The following SCN8A variants were observed in gnomAD, a reference collection of about 807,000 sequenced individuals.
The protein encoded by SCN8A is sodium channel protein type 8 subunit alpha.
A neutral mutation model predicts 184.1 loss-of-function variants in SCN8A; 30 were observed. That is an observed-to-expected ratio of 0.16 (90% CI 0.12 to 0.22). The LOEUF (loss-of-function observed/expected upper bound fraction) is 0.22, where lower values mean the gene tolerates loss of function less well. SCN8A is among the 10% of genes least tolerant of loss of function. The probability of loss-of-function intolerance (pLI) is 1.00; values close to 1 mark genes in which losing one functional copy is unlikely to be tolerated. For synonymous variants in SCN8A, 852 were observed against 907.0 expected, an observed-to-expected ratio of 0.94 and a Z score of 1.09; for missense variants, 1,057 against 2,498.9, an observed-to-expected ratio of 0.42 and a Z score of 12.30.
intron 1 of SCN8A, among the ~76,000 whole-genome samples, chr12:51,637,759 C>T (rs998812109): frequency 6.6e-6 from 1 of 152,198 alleles, no homozygotes; most frequent in African/African-American, 2.4e-5. Flanking sequence ...GGAGAAGCTA[C>T]AGTAAGTTAT....
intron 1 of SCN8A, among the ~76,000 whole-genome samples, chr12:51,631,272 G>A (rs1264271410): frequency 6.6e-6 from 1 of 152,154 alleles, no homozygotes; most frequent in African/African-American, 2.4e-5. Flanking sequence ...GGAGCAGGTG[G>A]TCAAAACCAA....
Position 51,807,677 on chromosome 12 carries a change from A to G in SCN8A, c.*248A>G. 4 of 548,138 alleles carry G rather than the reference A, an allele frequency of 7.3e-6. No individual in the cohort carries two copies. Among genetic ancestry groups the G allele is most frequent in the East Asian group, 6.2e-5 (2 of 32,134 alleles). The allele number at this position is 548,138 out of a possible 1,614,324, so 34.0% of individuals were successfully genotyped here. On this transcript the variant is annotated 3_prime_UTR_variant, in exon 27 of 27. Coordinates refer to ENST00000627620, the MANE Select transcript of SCN8A (RefSeq NM_001330260.2). The surrounding 1 kb of genome is among the most constrained non-coding windows in gnomAD (Gnocchi z 4.5). Reference sequence around the variant, plus strand: ...GGCAGGTGGTTACTGCATGTTCCACATCAGTCAATGCAACTTAGGACAAAA... The same window carrying G: ...GGCAGGTGGTTACTGCATGTTCCACGTCAGTCAATGCAACTTAGGACAAAA...
At chr12:51,671,720 C>T (rs1941134771) in intron 2 of SCN8A, among the ~76,000 whole-genome samples, 1 of 152,178 alleles carries the variant, frequency 6.6e-6, no homozygotes, top group Admixed American at 6.5e-5. Context: ...AGGGATGCTT[C>T]TCTTTTGAAT....
chr12:51,604,836 G>T (rs889567937), intron 1 of SCN8A, among the ~76,000 whole-genome samples: 1 of 151,746 alleles, frequency 6.6e-6, no homozygotes, highest in Non-Finnish European at 1.5e-5. Flanking sequence ...CCAGGCTCCA[G>T]TGTTTTTTTT....
At chr12:51,627,014 T>G (rs1318935764) in intron 1 of SCN8A, among the ~76,000 whole-genome samples, 1 of 152,176 alleles carries the variant, frequency 6.6e-6, no homozygotes, top group Non-Finnish European at 1.5e-5. Context: ...CTTTTTACTA[T>G]TGCCTCTAAC....
intron 2 of SCN8A, among the ~76,000 whole-genome samples, chr12:51,677,018 A>G (rs1394893891): frequency 6.6e-6 from 1 of 151,832 alleles, no homozygotes; most frequent in Admixed American, 6.6e-5. Context: ...ACTCTTCTAT[A>G]TAAAGTCTTT....
intron 12 of SCN8A, among the ~76,000 whole-genome samples, chr12:51,729,582 G>A (rs1402668027): frequency 1.3e-5 from 2 of 151,864 alleles, no homozygotes; most frequent in Non-Finnish European, 2.9e-5. Flanking sequence ...TAGATGTTCC[G>A]GTTGCTTCCA....
intron 4 of SCN8A, 67 bp from the exon 5 acceptor site, chr12:51,687,024 C>T: frequency 1.3e-6 from 2 of 1,557,390 alleles, no homozygotes; most frequent in South Asian, 2.3e-5. Context: ...CAGGCAAGTG[C>T]TAACTTAAAA....
At chr12:51,666,993 G>A (rs917496860) in intron 2 of SCN8A, among the ~76,000 whole-genome samples, 3 of 151,938 alleles carry the variant, frequency 2.0e-5, no homozygotes, top group Non-Finnish European at 4.4e-5. Context: ...TTTGTCTCTT[G>A]GTACTTCGTT....
intron 1 of SCN8A, among the ~76,000 whole-genome samples, chr12:51,655,158 C>T (rs1236916490): frequency 1.3e-5 from 2 of 152,278 alleles, no homozygotes; most frequent in South Asian, 4.1e-4. Context: ...CTCAGCCCCC[C>T]ATAGTGCTGG....
chr12:51,768,434 C>G (rs1161607252), intron 16 of SCN8A, among the ~76,000 whole-genome samples: 4 of 152,096 alleles, frequency 2.6e-5, no homozygotes, highest in Non-Finnish European at 5.9e-5. Context: ...GATGGCACTT[C>G]AAGCCTCATT....
At chr12:51,623,720 C>A (rs1215974553) in intron 1 of SCN8A, among the ~76,000 whole-genome samples, 1 of 152,058 alleles carries the variant, frequency 6.6e-6, no homozygotes. Context: ...CCCATTAACT[C>A]GTCATTTAAC....
intron 1 of SCN8A, among the ~76,000 whole-genome samples, chr12:51,647,415 G>A (rs911821438): frequency 2.0e-5 from 3 of 152,190 alleles, no homozygotes; most frequent in Admixed American, 6.5e-5. Flanking sequence ...GAGGCAAATA[G>A]CTCAGCTTTG....
intron 1 of SCN8A, among the ~76,000 whole-genome samples, chr12:51,596,024 T>C (rs1939341122): frequency 6.6e-6 from 1 of 152,206 alleles, no homozygotes; most frequent in African/African-American, 2.4e-5. Flanking sequence ...AAAGGAATGC[T>C]TTGGCACTCT....
At chr12:51,626,431 C>T (rs543090040) in intron 1 of SCN8A, among the ~76,000 whole-genome samples, 1 of 152,224 alleles carries the variant, frequency 6.6e-6, no homozygotes, top group African/African-American at 2.4e-5. Flanking sequence ...TCCGTACCTA[C>T]CAGTTGAATT....
chr12:51,662,988 C>T lies in SCN8A; in HGVS notation c.171C>T (p.Ser57=), dbSNP rs748773097. 3.8e-5 allele frequency: 61 copies of T among 1,613,906 alleles called. No homozygotes were observed. Among genetic ancestry groups the T allele is most frequent in the Admixed American group, 5.0e-5 (3 of 60,014 alleles). The change falls in exon 2 of 27, where the codon AGC becomes AGT. Residue 57 remains serine, a synonymous_variant. Coordinates refer to ENST00000627620, the MANE Select transcript of SCN8A (RefSeq NM_001330260.2). ...AGGACAGCAAGCCCAAGCCAAACAG[C>T]GACCTGGAAGCAGGGAAGAGTTTGC... The part of the protein sequence containing the change: ...DDEDSKPKPN[S]DLEAGKSLPF...
chr12:51,769,718 G>T (rs1434893578), intron 17 of SCN8A, 150 bp from the exon 18 acceptor site: 2 of 645,996 alleles, frequency 3.1e-6, no homozygotes, highest in Non-Finnish European at 5.5e-6. Context: ...TTGGGGGCCC[G>T]TGGATATGGT....
In SCN8A at chr12:51,741,109, A is replaced by G. The variant is rs372394997; in HGVS notation, c.1999-4794A>G. ...CCTGAGGTCTATCTCTTTAGCTATA[A>G]TAATATTTGCTTTACATATTTGGGT... On this transcript the variant is annotated intron_variant, in intron 12 of 26. Transcript: ENST00000627620. Among the ~76,000 whole-genome samples, 6 of 152,320 alleles carry G rather than the reference A, an allele frequency of 3.9e-5. No individual in the cohort carries two copies. The South Asian group carries it at 6.2e-4, about 16-fold the overall frequency.
intron 11 of SCN8A, chr12:51,712,517 C>A: frequency 1.3e-6 from 1 of 773,760 alleles, no homozygotes. Context: ...ATAACCACCA[C>A]CATAGGGACT....
Sources: allele counts gnomAD v4.1 joint callset (sites outside exome capture counted in the v4.1 genomes callset), GRCh38; gene constraint gnomAD v4.1.1; non-coding constraint Gnocchi (gnomAD v3.1); transcripts MANE v1.5; gene names NCBI Gene and HGNC (gene_info 2026-07-23, HGNC 2026-07-21).